Variants in IGF2R observed in about 807,000 individuals in gnomAD.
IGF2R encodes insulin like growth factor 2 receptor, also known as cation-independent mannose-6-phosphate receptor.
Under a neutral mutation model 270.6 loss-of-function variants are expected in IGF2R, and 91 were observed. That is an observed-to-expected ratio of 0.34 (90% CI 0.28 to 0.40). The LOEUF is 0.40. IGF2R is among the 10% of genes least tolerant of loss of function. The probability of loss-of-function intolerance (pLI) is 1.00; values close to 1 mark genes in which losing one functional copy is unlikely to be tolerated. For synonymous variants in IGF2R, 1,316 were observed against 1,258.9 expected (o/e 1.05, Z -0.96); for missense variants, 2,805 against 3,188.3 (o/e 0.88, Z 2.90).
intron 1 of IGF2R, among the ~76,000 whole-genome samples, chr6:159,985,969 G>T (rs1227427754): frequency 6.6e-6 from 1 of 152,200 alleles, no homozygotes; most frequent in Non-Finnish European, 1.5e-5. Context: ...CCAGAAGAGT[G>T]ATTTTAACTA....
At chr6:160,082,661 G>A (rs955325346) in intron 39 of IGF2R, among the ~76,000 whole-genome samples, 6 of 152,128 alleles carry the variant, frequency 3.9e-5, no homozygotes, top group Non-Finnish European at 8.8e-5. Flanking sequence ...TTGAATACCC[G>A]TGTGAGGAAT....
intron 1 of IGF2R, among the ~76,000 whole-genome samples, chr6:159,988,223 A>G (rs1783918599): frequency 1.3e-5 from 2 of 152,136 alleles, no homozygotes; most frequent in Admixed American, 6.5e-5. Context: ...TCTTTTAAGA[A>G]AAGCATAGCA....
chr6:160,008,981 C>A (rs894879683), intron 2 of IGF2R, 29 bp from the exon 3 acceptor site: 1 of 1,611,126 alleles, frequency 6.2e-7, no homozygotes, highest in Non-Finnish European at 8.5e-7. Flanking sequence ...TGTTTTATAG[C>A]CTGTTCACTC....
intron 39 of IGF2R, among the ~76,000 whole-genome samples, chr6:160,080,849 G>T (rs1335838679): frequency 1.3e-5 from 2 of 152,056 alleles, no homozygotes; most frequent in Admixed American, 6.6e-5. Context: ...CAGGCGCGGT[G>T]GCTCACGCCT....
chr6:160,048,476 C>T lies in IGF2R; in HGVS notation c.2447C>T (p.Pro816Leu), dbSNP rs758595806. ...AAATACTACATTAACGTGTGTCGGCCTCTGAATCCAGTGCCGGGCTGCAAC... is the reference window on the plus strand; with the variant it reads ...AAATACTACATTAACGTGTGTCGGCTTCTGAATCCAGTGCCGGGCTGCAAC... ...WRKYYINVCR[P>L]LNPVPGCNRY... Residue 816 changes from proline to leucine, a missense_variant, in exon 18 of 48, where the codon CCT becomes CTT. Pro to Leu is a moderately conservative substitution (Grantham distance 98). Around this residue, in one of 2 missense-constraint regions of IGF2R, gnomAD observed 1,851 missense variants for 2,207.2 expected, o/e 0.84. Transcript: ENST00000356956. The T allele has an allele frequency of 6.2e-7, 1 of 1,614,212 alleles. No individual in the cohort carries two copies. The highest frequency in any genetic ancestry group is 8.5e-7 in the Non-Finnish European group (1 of 1,180,012).
At chr6:159,987,072 A>G (rs1783899277) in intron 1 of IGF2R, among the ~76,000 whole-genome samples, 1 of 152,230 alleles carries the variant, frequency 6.6e-6, no homozygotes, top group Non-Finnish European at 1.5e-5. Context: ...AAACTTTAAT[A>G]TCAAGTTAAT....
chr6:160,069,804 A>G, intron 30 of IGF2R, 64 bp from the exon 31 acceptor site: 8 of 1,478,474 alleles, frequency 5.4e-6, no homozygotes, highest in Non-Finnish European at 7.5e-6. Context: ...TTATTGCCTG[A>G]TGAAGTTCTG....
Position 160,056,504 on chromosome 6 carries a change from G to C in IGF2R, c.2775G>C (p.Gln925His), listed in dbSNP as rs1778320208. ...LWNTEAACPI[Q>H]TTTDTDQACS... ...ACACAGAGGCTGCCTGTCCCATTCA[G>C]ACAACGACGGATACAGACCAGGTAC... is the stretch of plus-strand genomic sequence containing the variant. Residue 925 changes from glutamine to histidine, a missense_variant, in exon 20 of 48, where the codon CAG becomes CAC. Gln to His is a conservative substitution (Grantham distance 24). This residue lies in a region of IGF2R where 1,851 missense variants were observed against 2,207.2 expected (regional missense o/e 0.84). Coordinates refer to ENST00000356956, the MANE Select transcript of IGF2R (RefSeq NM_000876.4). 6.2e-7 allele frequency: 1 copy of C among 1,612,522 alleles called. No homozygotes were observed. The highest frequency in any genetic ancestry group is 1.3e-5 in the African/African-American group (1 of 74,896).
intron 11 of IGF2R, among the ~76,000 whole-genome samples, chr6:160,042,790 A>C (rs749652771): frequency 4.4e-4 from 67 of 151,900 alleles, no homozygotes; most frequent in Non-Finnish European, 6.3e-4. Context: ...ATGATGTACC[A>C]CTCTACTGCG....
intron 39 of IGF2R, 131 bp from the exon 40 acceptor site, chr6:160,083,819 A>G: frequency 1.5e-6 from 1 of 686,540 alleles, no homozygotes; most frequent in Non-Finnish European, 2.5e-6. Flanking sequence ...CAAAGCTACA[A>G]ATTAACAACA....
At chr6:160,047,057 G>A (rs1487558770) in intron 15 of IGF2R, 102 bp from the exon 16 acceptor site, 1 of 1,081,810 alleles carries the variant, frequency 9.2e-7, no homozygotes, top group South Asian at 1.3e-5. Context: ...GCCTGGTTCT[G>A]GTGACTCCTC....
intron 36 of IGF2R, among the ~76,000 whole-genome samples, chr6:160,077,981 G>A (rs998981081): frequency 2.6e-5 from 4 of 152,228 alleles, no homozygotes; most frequent in Non-Finnish European, 4.4e-5. Context: ...GACAAGACCT[G>A]GATTCAGCCA....
intron 36 of IGF2R, among the ~76,000 whole-genome samples, chr6:160,077,429 A>G (rs1778879083): frequency 6.6e-6 from 1 of 152,202 alleles, no homozygotes; most frequent in Non-Finnish European, 1.5e-5. Context: ...CACCAGCTAA[A>G]GAGTGTGGAA....
intron 1 of IGF2R, among the ~76,000 whole-genome samples, chr6:159,984,310 TGTC>T (rs1379804251): frequency 6.6e-6 from 1 of 152,224 alleles, no homozygotes; most frequent in Non-Finnish European, 1.5e-5. Context: ...GCCATTGTAA[TGTC>T]GTAGCACAAT....
chr6:160,036,265 A>G (rs1441896305), intron 10 of IGF2R, among the ~76,000 whole-genome samples: 1 of 152,032 alleles, frequency 6.6e-6, no homozygotes, highest in South Asian at 2.1e-4. Context: ...CTTCTCCATC[A>G]TTCTCTCATC....
Position 159,988,734 on chromosome 6 carries a change from G to T in IGF2R, c.150-2450G>T, listed in dbSNP as rs113332392. ...GTCATGGCTCCTGAATAAGAGATTA[G>T]CATTTTTCCTGAGTAGTAGCCAAGT... On this transcript the variant is annotated intron_variant, in intron 1 of 47. Transcript: ENST00000356956. Among the ~76,000 whole-genome samples the T allele has an allele frequency of 2.7e-3, 404 of 152,150 alleles. 1 individual carries two copies. Among genetic ancestry groups the T allele is most frequent in the African/African-American group, 9.4e-3 (390 of 41,492 alleles).
At chr6:160,064,942 T>C (rs1192597185) in intron 29 of IGF2R, 41 bp downstream of exon 29, 1 of 1,346,334 alleles carries the variant, frequency 7.4e-7, no homozygotes. Flanking sequence ...ACAGACTAAC[T>C]TGGTATGATT....
chr6:159,989,233 C>T lies in IGF2R; in HGVS notation c.150-1951C>T, dbSNP rs193170131. Reference sequence around the variant, plus strand: ...GGTTCCCAGACCTAGGAGTTCTTGGCGCCTCGTCTTCCAGTGACCCCACCA... The same window carrying T: ...GGTTCCCAGACCTAGGAGTTCTTGGTGCCTCGTCTTCCAGTGACCCCACCA... On this transcript the variant is annotated intron_variant, in intron 1 of 47. Transcript: ENST00000356956. 9.9e-3 allele frequency among the ~76,000 whole-genome samples: 1,511 copies of T among 152,196 alleles called. 12 individuals carry two copies. Among genetic ancestry groups the T allele is most frequent in the Middle Eastern group, 0.041 (12 of 294 alleles).
At chr6:160,039,382 A>G (rs759100170) in intron 10 of IGF2R, among the ~76,000 whole-genome samples, 1 of 152,186 alleles carries the variant, frequency 6.6e-6, no homozygotes, top group East Asian at 1.9e-4. Context: ...TTGTTGACCA[A>G]ATGTTGTTAT....
Sources: allele counts gnomAD v4.1 joint callset (sites outside exome capture counted in the v4.1 genomes callset), GRCh38; gene constraint gnomAD v4.1.1; regional missense constraint gnomAD v4.1.1; transcripts MANE v1.5; gene names NCBI Gene and HGNC (gene_info 2026-07-23, HGNC 2026-07-21).